The following TAS2R1 variants were observed in gnomAD, a reference collection of about 807,000 sequenced individuals.
TAS2R1 encodes taste 2 receptor member 1.
For synonymous variants in TAS2R1, 141 were observed against 134.2 expected (o/e 1.05, Z -0.35); for missense variants, 370 against 353.4 (o/e 1.05, Z -0.38).
the TAS2R1 span, among the ~76,000 whole-genome samples, chr5:9,759,320 A>C: frequency 2.6e-5 from 4 of 152,190 alleles, no homozygotes; most frequent in Non-Finnish European, 5.9e-5. Context: ...GAAATCCAGC[A>C]TCTCATTCAT....
chr5:9,642,109 CA>C (rs1169007370), intron 2 of TAS2R1, among the ~76,000 whole-genome samples: 3 of 152,184 alleles, frequency 2.0e-5, no homozygotes, highest in Non-Finnish European at 4.4e-5. Context: ...TTTAGCTCCT[CA>C]AAAGAAAGTG....
chr5:9,705,011 A>G (rs1224099572), intron 1 of TAS2R1, among the ~76,000 whole-genome samples: 4 of 152,204 alleles, frequency 2.6e-5, no homozygotes, highest in Admixed American at 6.5e-5. Flanking sequence ...CAAGCTAAGC[A>G]CTCATTAGTG....
chr5:9,714,820 ACT>A (rs1333121801), upstream of TAS2R1, among the ~76,000 whole-genome samples: 5 of 152,186 alleles, frequency 3.3e-5, no homozygotes, highest in Non-Finnish European at 5.9e-5. Flanking sequence ...TAGAAACAGA[ACT>A]CTGTGTCTAG....
chr5:9,819,224 T>C, the TAS2R1 span, among the ~76,000 whole-genome samples: 1 of 152,124 alleles, frequency 6.6e-6, no homozygotes, highest in Non-Finnish European at 1.5e-5. Flanking sequence ...ACTCAAAGAC[T>C]CCTCAATGAG....
intron 1 of TAS2R1, among the ~76,000 whole-genome samples, chr5:9,694,243 TG>T (rs1741313145): frequency 6.6e-6 from 1 of 151,810 alleles, no homozygotes; most frequent in Non-Finnish European, 1.5e-5. Flanking sequence ...ATTGTAACAA[TG>T]AAAAAAAACA....
At chr5:9,894,386 CTG>C in the TAS2R1 span, among the ~76,000 whole-genome samples, 1 of 150,740 alleles carries the variant, frequency 6.6e-6, no homozygotes, top group African/African-American at 2.4e-5. Context: ...CCGTGAGACT[CTG>C]TCTCAAAAAC....
At chr5:9,701,763 T>C (rs754350841) in intron 1 of TAS2R1, among the ~76,000 whole-genome samples, 18 of 152,244 alleles carry the variant, frequency 1.2e-4, no homozygotes, top group Non-Finnish European at 2.1e-4. Flanking sequence ...GTTTATAAGA[T>C]AACTAAACTT....
At chr5:9,893,816 G>C in the TAS2R1 span, among the ~76,000 whole-genome samples, 2 of 152,136 alleles carry the variant, frequency 1.3e-5, no homozygotes, top group Non-Finnish European at 2.9e-5. Context: ...GGAAAAAGGA[G>C]GAAGGTCCCA....
chr5:9,803,495 G>T, the TAS2R1 span, among the ~76,000 whole-genome samples: 1 of 152,164 alleles, frequency 6.6e-6, no homozygotes, highest in Non-Finnish European at 1.5e-5. Context: ...TGAGGCAAAA[G>T]CATCAGGTAA....
chr5:9,713,690 C>G (rs934945403), upstream of TAS2R1: 1 of 152,128 alleles, frequency 6.6e-6, no homozygotes. Context: ...CTCATGAAAG[C>G]TGGGAATGTG....
the TAS2R1 span, among the ~76,000 whole-genome samples, chr5:9,834,821 G>A: frequency 1.3e-4 from 19 of 151,158 alleles, no homozygotes; most frequent in Admixed American, 2.6e-4. Flanking sequence ...GAGTTCTTAC[G>A]GGGAGAAGCA....
chr5:9,846,324 T>C, the TAS2R1 span, among the ~76,000 whole-genome samples: 1 of 152,150 alleles, frequency 6.6e-6, no homozygotes, highest in Admixed American at 6.5e-5. Flanking sequence ...AGAGAAAAGT[T>C]TTTGGAGGGC....
chr5:9,869,531 T>G, the TAS2R1 span, among the ~76,000 whole-genome samples: 1 of 152,108 alleles, frequency 6.6e-6, no homozygotes, highest in African/African-American at 2.4e-5. Context: ...GAGCTACAAT[T>G]CAAGATGAGA....
the TAS2R1 span, among the ~76,000 whole-genome samples, chr5:9,825,840 C>A: frequency 0.69 from 105,681 of 152,086 alleles, 37,909 homozygotes; most frequent in African/African-American, 0.87. Context: ...TTTGTATATT[C>A]ATCTGAGAAA....
chr5:9,882,108 ATCTGATAAAGG>A, the TAS2R1 span, among the ~76,000 whole-genome samples: 1 of 152,230 alleles, frequency 6.6e-6, no homozygotes, highest in African/African-American at 2.4e-5. Flanking sequence ...CAATCTATCC[ATCTGATAAAGG>A]TCTAATGTCC....
chr5:9,842,313 TC>T, the TAS2R1 span, among the ~76,000 whole-genome samples: 742 of 93,512 alleles, frequency 7.9e-3, 32 homozygotes, highest in African/African-American at 0.017. Context: ...TCTTTCTTTC[TC>T]TCTTTTTTTT....
upstream of TAS2R1, among the ~76,000 whole-genome samples, chr5:9,632,137 A>C (rs1035774535): frequency 2.0e-5 from 3 of 152,230 alleles, no homozygotes; most frequent in African/African-American, 4.8e-5. Flanking sequence ...CCACCAAAAT[A>C]CAAGAATATT....
chr5:9,886,585 C>T, the TAS2R1 span, among the ~76,000 whole-genome samples: 1 of 152,026 alleles, frequency 6.6e-6, no homozygotes, highest in African/African-American at 2.4e-5. Context: ...CCGCCCACCT[C>T]GGCCTCTCAA....
At chr5:9,840,836 T>A in the TAS2R1 span, among the ~76,000 whole-genome samples, 3 of 13,812 alleles carry the variant, frequency 2.2e-4, no homozygotes, top group Non-Finnish European at 5.9e-4. Context: ...CATTTTATTT[T>A]ATTTATTTAT....
Sources: gnomAD v4.1 joint callset for allele counts (sites outside exome capture counted in the v4.1 genomes callset) on GRCh38, gnomAD v4.1.1 for gene constraint, MANE v1.5 for transcripts, NCBI Gene and HGNC (gene_info 2026-07-23, HGNC 2026-07-21) for gene names.